MEGF6: variants seen among roughly 807,000 people sequenced by gnomAD.
MEGF6 encodes the protein multiple epidermal growth factor-like domains protein 6.
Under a neutral mutation model 207.1 loss-of-function variants are expected in MEGF6, and 184 were observed. The observed-to-expected ratio is 0.89, with a 90% CI of 0.79 to 1.00. MEGF6 has a LOEUF of 1.00. Among genes scored for constraint, MEGF6 ranks in the 50% least tolerant of loss-of-function variants. The pLI, the probability that MEGF6 is intolerant of heterozygous loss-of-function variation, is 0.00. For missense variants in MEGF6, 2,282 were observed against 2,202.9 expected (o/e 1.04, Z -0.72); for synonymous variants, 1,038 against 910.0 (o/e 1.14, Z -2.53).
At chr1:3,548,281 G>C (rs563843439) in intron 4 of MEGF6, among the ~76,000 whole-genome samples, 1 of 152,226 alleles carries the variant, frequency 6.6e-6, no homozygotes, top group Non-Finnish European at 1.5e-5. Flanking sequence ...CCCCAGTGCC[G>C]GGGGCATTTC....
Position 3,509,180 on chromosome 1 carries a change from C to A in MEGF6, c.1423G>T (p.Ala475Ser). The A allele has an allele frequency of 1.3e-6, 2 of 1,578,310 alleles. No homozygotes were observed. The change falls in exon 12 of 37, where the codon GCC (alanine) becomes TCC (serine). Residue 475 changes from alanine to serine, a missense_variant. Physicochemically the swap from Ala to Ser is moderately conservative, Grantham distance 99 (BLOSUM62 1). Coordinates refer to ENST00000356575, the MANE Select transcript of MEGF6 (RefSeq NM_001409.4). ...TGCGGCAGCTCGTCCTGGAGCACGG[C>A]AATGTGGGGCAGGGGCCGCACGAAA... ...LPFVRPLPHI[A>S]VLQDELPQLF...
chr1:3,558,302 A>T (rs1307001111), intron 4 of MEGF6, among the ~76,000 whole-genome samples: 1 of 152,176 alleles, frequency 6.6e-6, no homozygotes, highest in African/African-American at 2.4e-5. Flanking sequence ...ATAAATGTAC[A>T]TGTGACTGTG....
At chr1:3,561,332 A>C (rs1322643252) in intron 4 of MEGF6, among the ~76,000 whole-genome samples, 1 of 152,176 alleles carries the variant, frequency 6.6e-6, no homozygotes, top group Non-Finnish European at 1.5e-5. Flanking sequence ...AGGCATCTGG[A>C]AGGGCCGGCA....
chr1:3,574,800 A>T (rs1460897691), intron 4 of MEGF6, among the ~76,000 whole-genome samples: 4 of 151,986 alleles, frequency 2.6e-5, no homozygotes. Context: ...CCGCCACCAC[A>T]CCTGGCTAAT....
intron 4 of MEGF6, among the ~76,000 whole-genome samples, chr1:3,553,274 C>G (rs1032495010): frequency 6.6e-6 from 1 of 152,116 alleles, no homozygotes; most frequent in African/African-American, 2.4e-5. Context: ...CAGCTCCCCC[C>G]ACCCCAGGGT....
At chr1:3,548,459 T>A (rs901066439) in intron 4 of MEGF6, among the ~76,000 whole-genome samples, 10 of 152,146 alleles carry the variant, frequency 6.6e-5, no homozygotes, top group African/African-American at 1.7e-4. Context: ...TGGTGGGAAT[T>A]TTTTGGGAAT....
intron 4 of MEGF6, among the ~76,000 whole-genome samples, chr1:3,531,618 GGCACAAAC>G (rs923583058): frequency 1.3e-5 from 2 of 151,976 alleles, no homozygotes; most frequent in African/African-American, 4.8e-5. Flanking sequence ...TAGGGACCTA[GGCACAAAC>G]GCAGACATCC....
At chr1:3,605,629 C>T (rs534939848) in intron 1 of MEGF6, among the ~76,000 whole-genome samples, 44 of 152,200 alleles carry the variant, frequency 2.9e-4, no homozygotes, top group Middle Eastern at 3.4e-3. Flanking sequence ...CTCATGCACA[C>T]GCACACTTCT....
At chr1:3,505,825 G>A (rs1641093627) in intron 15 of MEGF6, among the ~76,000 whole-genome samples, 1 of 152,200 alleles carries the variant, frequency 6.6e-6, no homozygotes, top group African/African-American at 2.4e-5. Flanking sequence ...TCTGCAAAAG[G>A]CCTGGCCCTG....
intron 4 of MEGF6, among the ~76,000 whole-genome samples, chr1:3,540,857 A>G (rs537990896): frequency 3.3e-5 from 5 of 152,336 alleles, no homozygotes; most frequent in Admixed American, 6.5e-5. Context: ...GTCCACTCGA[A>G]CGCAGGAATT....
At chr1:3,549,894 G>T (rs533257596) in intron 4 of MEGF6, among the ~76,000 whole-genome samples, 3 of 152,164 alleles carry the variant, frequency 2.0e-5, no homozygotes, top group Non-Finnish European at 4.4e-5. Context: ...GGCACGGGTG[G>T]GCGGTCGAAG....
At chr1:3,567,534 C>CT (rs917970842) in intron 4 of MEGF6, among the ~76,000 whole-genome samples, 1 of 152,208 alleles carries the variant, frequency 6.6e-6, no homozygotes, top group African/African-American at 2.4e-5. Context: ...ACATGCCCCC[C>CT]CCAGGCTCTC....
At chr1:3,492,942 CT>C (rs969478509) in intron 34 of MEGF6, 175 bp from the exon 35 acceptor site, 2 of 769,992 alleles carry the variant, frequency 2.6e-6, no homozygotes, top group African/African-American at 3.5e-5. Flanking sequence ...TAAACAGTCC[CT>C]GCCCTGCCTT....
At chr1:3,531,616 T>C (rs111615690) in intron 4 of MEGF6, among the ~76,000 whole-genome samples, 2,006 of 150,760 alleles carry the variant, frequency 0.013, 24 homozygotes, top group Non-Finnish European at 0.019. Flanking sequence ...GATAGGGACC[T>C]AGGCACAAAC....
chr1:3,532,602 A>G lies in MEGF6; in HGVS notation c.482-8356T>C, dbSNP rs548804389. On this transcript the variant is annotated intron_variant, in intron 4 of 36. Transcript: ENST00000356575. Reference sequence around the variant, plus strand: ...TGTCCCTGGAGCTCAGCCTGTTCCCAGAGATGCAGCCTGTGTCTCCTCCCA... The same window carrying G: ...TGTCCCTGGAGCTCAGCCTGTTCCCGGAGATGCAGCCTGTGTCTCCTCCCA... 5.3e-5 allele frequency among the ~76,000 whole-genome samples: 8 copies of G among 152,350 alleles called. No homozygotes were observed. The South Asian group carries it at 1.7e-3, about 32-fold the overall frequency.
At chr1:3,521,822 AG>A (rs1268195859) in intron 5 of MEGF6, among the ~76,000 whole-genome samples, 9 of 152,214 alleles carry the variant, frequency 5.9e-5, no homozygotes. Flanking sequence ...ACCATGGGCA[AG>A]GGACAAGGGG....
At position 3,505,474 on chromosome 1, in the gene MEGF6, C is replaced by T. The variant is rs745494312; in HGVS notation, c.2001G>A (p.Arg667=). The stretch of plus-strand genomic sequence containing the variant: ...CAGCCTTGCAGGAGCAGCTGCCATC[C>T]CTCTTGTCACAGGACTGCGTGTGGG... ...VQPHTQSCDK[R]DGSCSCKAGF... is the part of the protein sequence containing the mutation. The change falls in exon 16 of 37, where the codon AGG becomes AGA. Residue 667 remains arginine, a synonymous_variant. Coordinates refer to ENST00000356575, the MANE Select transcript of MEGF6 (RefSeq NM_001409.4). 2 of 1,610,868 alleles carry T rather than the reference C, an allele frequency of 1.2e-6. No homozygotes were observed. Among genetic ancestry groups the T allele is most frequent in the South Asian group, 1.1e-5 (1 of 90,770 alleles).
In MEGF6 at chr1:3,499,647, T is replaced by C. The variant is rs1640766265; in HGVS notation, c.2906A>G (p.Asp969Gly). ...GCAGAGGCAGGAGCCATTCACGGCA[T>C]CACAGGCAGCTCCGGCGGTGCAGTT... ...ACNCTAGAAC[D>G]AVNGSCLCPA... The change falls in exon 23 of 37, where the codon GAT (aspartate) becomes GGT (glycine). Residue 969 changes from aspartate (D) to glycine (G), a missense_variant. Coordinates refer to ENST00000356575, the MANE Select transcript of MEGF6 (RefSeq NM_001409.4). The C allele has an allele frequency of 1.3e-6, 2 of 1,595,338 alleles. No homozygotes were observed. Among genetic ancestry groups the C allele is most frequent in the East Asian group, 2.3e-5 (1 of 44,076 alleles).
Position 3,611,301 on chromosome 1 carries a change from T to C in MEGF6, c.-33A>G. 5.6e-6 allele frequency: 8 copies of C among 1,417,990 alleles called. No homozygotes were observed. The highest frequency in any genetic ancestry group is 7.3e-6 in the Non-Finnish European group (8 of 1,092,394). The allele number at this position is 1,417,990 out of a possible 1,614,324, so 87.8% of individuals were successfully genotyped here. ...GCCGGTGCCTCCTCCGCTCTCCGGC[T>C]CACAGGCGGCCCCGGCGGCTCCCCG... On this transcript the variant is annotated 5_prime_UTR_variant, in exon 1 of 37. The change abolishes the stop of an existing upstream ORF in the 5' untranslated region. Coordinates refer to ENST00000356575, the MANE Select transcript of MEGF6 (RefSeq NM_001409.4).
Sources: gnomAD v4.1 joint callset for allele counts (sites outside exome capture counted in the v4.1 genomes callset) on GRCh38, gnomAD v4.1.1 for gene constraint, MANE v1.5 for transcripts, NCBI Gene and HGNC (gene_info 2026-07-23, HGNC 2026-07-21) for gene names.